The following DLGAP4 variants were observed in gnomAD, a reference collection of about 807,000 sequenced individuals.
The protein encoded by DLGAP4 is DLG associated protein 4.
DLGAP4 carries 18 observed loss-of-function variants against 86.9 expected under a neutral mutation model. That is an observed-to-expected ratio of 0.21 (90% CI 0.14 to 0.31). The LOEUF (loss-of-function observed/expected upper bound fraction) is 0.31, where lower values mean the gene tolerates loss of function less well. Ranked by LOEUF, DLGAP4 falls within the 10% of genes least tolerant of loss-of-function variation. The pLI is 1.00. For synonymous variants in DLGAP4, 548 were observed against 574.3 expected, an observed-to-expected ratio of 0.95 and a Z score of 0.65; for missense variants, 1,085 against 1,362.6, an observed-to-expected ratio of 0.80 and a Z score of 3.21.
At chr20:36,324,134 C>T (rs2065195220) in intron 1 of DLGAP4, among the ~76,000 whole-genome samples, 1 of 152,102 alleles carries the variant, frequency 6.6e-6, no homozygotes, top group African/African-American at 2.4e-5. Context: ...CTTCTAAGAG[C>T]TTTATAGTTC....
intron 1 of DLGAP4, among the ~76,000 whole-genome samples, chr20:36,318,257 C>T (rs1302249632): frequency 6.6e-6 from 1 of 152,106 alleles, no homozygotes; most frequent in African/African-American, 2.4e-5. Context: ...TCCTGGGTCA[C>T]AGCCTGACAC....
rs192920306 is a variant in DLGAP4, at chr20:36,412,260, A to G, written c.-72-19386A>G. Among the ~76,000 whole-genome samples the G allele has an allele frequency of 1.1e-3, 171 of 152,380 alleles. 1 individual carries two copies. Among genetic ancestry groups the G allele is most frequent in the African/African-American group, 3.9e-3 (164 of 41,596 alleles). ...CAGGGCGAGGCAGGTGGCCTCCAGA[A>G]TCCGCCTGCCCTGCAGTCAGAGCTC... is the stretch of plus-strand genomic sequence containing the variant. On this transcript the variant is annotated intron_variant, in intron 2 of 12. Transcript: ENST00000339266.
intron 2 of DLGAP4, among the ~76,000 whole-genome samples, chr20:36,408,266 C>A (rs4292136): frequency 0.86 from 129,799 of 151,742 alleles, 56,082 homozygotes; most frequent in East Asian, 1. Flanking sequence ...GGAGGGCAAC[C>A]ACAATCCTTA....
intron 2 of DLGAP4, among the ~76,000 whole-genome samples, chr20:36,404,635 G>A (rs2032259988): frequency 6.6e-6 from 1 of 152,234 alleles, no homozygotes; most frequent in Non-Finnish European, 1.5e-5. Context: ...GAGCAGAGAG[G>A]ATGGGCATGC....
chr20:36,509,236 A>G (rs1211814641), intron 10 of DLGAP4, among the ~76,000 whole-genome samples: 1 of 152,194 alleles, frequency 6.6e-6, no homozygotes, highest in Non-Finnish European at 1.5e-5. Context: ...TAGCCTGGAC[A>G]ACGTAGTGAG....
At chr20:36,399,577 G>T (rs1358258297) in intron 2 of DLGAP4, among the ~76,000 whole-genome samples, 1 of 152,194 alleles carries the variant, frequency 6.6e-6, no homozygotes, top group African/African-American at 2.4e-5. Context: ...AGCTGGGGAG[G>T]GGCAGGGAAG....
chr20:36,397,199 A>G (rs540865639), intron 2 of DLGAP4, among the ~76,000 whole-genome samples: 1 of 152,318 alleles, frequency 6.6e-6, no homozygotes, highest in South Asian at 2.1e-4. Context: ...GGATCAGTAC[A>G]CATGGACTCG....
At position 36,414,296 on chromosome 20, in the gene DLGAP4, G is replaced by C. The variant is rs138304199; in HGVS notation, c.-72-17350G>C. ...GGAAGGCGGAAAGATGAGTGCCTGC[G>C]TCGTCCCCCTTCCCAGCCCTATAGT... On this transcript the variant is annotated intron_variant, in intron 2 of 12. Transcript: ENST00000339266. Among the ~76,000 whole-genome samples the C allele has an allele frequency of 9.4e-3, 1,434 of 152,206 alleles. 12 individuals carry two copies. Among genetic ancestry groups the C allele is most frequent in the Non-Finnish European group, 0.014 (973 of 68,002 alleles).
chr20:36,468,616 T>C (rs959265486), intron 7 of DLGAP4, among the ~76,000 whole-genome samples: 3 of 152,264 alleles, frequency 2.0e-5, no homozygotes, highest in Admixed American at 6.5e-5. Flanking sequence ...AGCCTCCAGG[T>C]GCCCCTCACC....
chr20:36,398,841 G>A (rs912310947), intron 2 of DLGAP4, among the ~76,000 whole-genome samples: 9 of 152,198 alleles, frequency 5.9e-5, no homozygotes, highest in Non-Finnish European at 1.2e-4. Context: ...TGGGTATGAT[G>A]GGAGTTGCTG....
At chr20:36,337,280 G>T (rs75889264) in intron 1 of DLGAP4, among the ~76,000 whole-genome samples, 1 of 148,634 alleles carries the variant, frequency 6.7e-6, no homozygotes, top group Non-Finnish European at 1.5e-5. Context: ...CTGCTCATTC[G>T]CTCAATAATT....
intron 2 of DLGAP4, among the ~76,000 whole-genome samples, chr20:36,406,165 C>T (rs1415798832): frequency 6.6e-6 from 1 of 150,830 alleles, no homozygotes; most frequent in Admixed American, 6.6e-5. Flanking sequence ...TTGGGAGGCC[C>T]AGGCGGGTGG....
At chr20:36,373,863 C>G (rs1480395320) in intron 2 of DLGAP4, among the ~76,000 whole-genome samples, 1 of 151,868 alleles carries the variant, frequency 6.6e-6, no homozygotes, top group Admixed American at 6.6e-5. Context: ...ATGGGGAAAC[C>G]CTGTCTCTAC....
intron 2 of DLGAP4, among the ~76,000 whole-genome samples, chr20:36,394,592 G>A (rs1414487332): frequency 1.3e-5 from 2 of 152,168 alleles, no homozygotes; most frequent in Non-Finnish European, 2.9e-5. Flanking sequence ...GTGCGCACGA[G>A]CCTCCGTGAG....
In DLGAP4 at chr20:36,432,591, G is replaced by A; in HGVS notation, c.874G>A (p.Gly292Ser). 3 of 1,611,932 alleles carry A rather than the reference G, an allele frequency of 1.9e-6. No homozygotes were observed. Among genetic ancestry groups the A allele is most frequent in the Non-Finnish European group, 2.5e-6 (3 of 1,179,320 alleles). ...VGTDTNYVKR[G>S]SWSTLTLSHA... The stretch of plus-strand genomic sequence containing the variant: ...CACTGACACCAACTACGTCAAACGG[G>A]GCTCCTGGTCCACTCTGACCCTCAG... The change falls in exon 3 of 13, where the codon GGC (glycine) becomes AGC (serine). Residue 292 changes from glycine (G) to serine (S), a missense_variant. Gly to Ser is a moderately conservative substitution (Grantham distance 56). This residue lies in a region of DLGAP4 where 1,082 missense variants were observed against 1,344.1 expected (regional missense o/e 0.81). Transcript: ENST00000339266. This position sits in a 1 kb window ranked among gnomAD's most constrained non-coding sequence, Gnocchi z 6.5.
chr20:36,375,492 C>G (rs1162286303), intron 2 of DLGAP4, among the ~76,000 whole-genome samples: 5 of 152,214 alleles, frequency 3.3e-5, no homozygotes, highest in Admixed American at 2.0e-4. Flanking sequence ...AGGTGCTGCA[C>G]TAGACCTGGA....
chr20:36,418,835 G>GTTGA (rs5841230), intron 2 of DLGAP4, among the ~76,000 whole-genome samples: 105,764 of 151,712 alleles, frequency 0.7, 37,133 homozygotes, highest in Admixed American at 0.77. Context: ...CAAACAACTA[G>GTTGA]TTGAATATCA....
chr20:36,316,585 G>C (rs1189164374), intron 1 of DLGAP4, among the ~76,000 whole-genome samples: 7 of 152,170 alleles, frequency 4.6e-5, no homozygotes, highest in Admixed American at 2.0e-4. Context: ...CCGGGCAGAG[G>C]CTGGGGCCTG....
At chr20:36,346,279 G>A (rs1209452672) in intron 1 of DLGAP4, among the ~76,000 whole-genome samples, 1 of 152,190 alleles carries the variant, frequency 6.6e-6, no homozygotes, top group Non-Finnish European at 1.5e-5. Context: ...TGCCTCAGGG[G>A]GTTCAGTGAA....
Sources: gnomAD v4.1 joint callset for allele counts (sites outside exome capture counted in the v4.1 genomes callset) on GRCh38, gnomAD v4.1.1 for gene constraint, gnomAD v4.1.1 regional missense constraint, Gnocchi (gnomAD v3.1) non-coding constraint, MANE v1.5 for transcripts, NCBI Gene and HGNC (gene_info 2026-07-23, HGNC 2026-07-21) for gene names.